The following SH3RF2 variants were observed in gnomAD, a reference collection of about 807,000 sequenced individuals.
SH3RF2 encodes the protein E3 ubiquitin-protein ligase SH3RF2.
Under a neutral mutation model 59.0 loss-of-function variants are expected in SH3RF2, and 43 were observed. The ratio of observed to expected loss-of-function variants is 0.73; its 90% CI spans 0.57 to 0.94. The LOEUF (loss-of-function observed/expected upper bound fraction) is 0.94, where lower values mean the gene tolerates loss of function less well. Among genes scored for constraint, SH3RF2 ranks in the 40% least tolerant of loss-of-function variants. The pLI is 0.00. For synonymous variants in SH3RF2, 391 were observed against 391.5 expected (o/e 1.00, Z 0.01); for missense variants, 930 against 940.1 (o/e 0.99, Z 0.14).
chr5:146,077,330 T>C (rs760095716), intron 9 of SH3RF2, among the ~76,000 whole-genome samples: 3 of 152,166 alleles, frequency 2.0e-5, no homozygotes, highest in African/African-American at 4.8e-5. Flanking sequence ...GGAATGCAGG[T>C]TGAGTTTGGT....
intron 1 of SH3RF2, among the ~76,000 whole-genome samples, chr5:145,937,582 C>T (rs1367404926): frequency 6.6e-6 from 1 of 152,154 alleles, no homozygotes; most frequent in African/African-American, 2.4e-5. Flanking sequence ...TATCTCCCTG[C>T]TTTCCTGTCC....
intron 4 of SH3RF2, among the ~76,000 whole-genome samples, chr5:146,007,245 A>C (rs1760682205): frequency 6.6e-6 from 1 of 152,184 alleles, no homozygotes; most frequent in South Asian, 2.1e-4. Context: ...AAAAGCAGAA[A>C]GTAGAGTTAG....
intron 5 of SH3RF2, among the ~76,000 whole-genome samples, chr5:146,036,651 C>T (rs747818210): frequency 2.0e-5 from 3 of 152,120 alleles, no homozygotes; most frequent in Non-Finnish European, 2.9e-5. Flanking sequence ...GCCGAGATCA[C>T]GTCACTGCAC....
chr5:146,075,700 A>G (rs1049207833), intron 9 of SH3RF2, among the ~76,000 whole-genome samples: 1 of 146,306 alleles, frequency 6.8e-6, no homozygotes, highest in Non-Finnish European at 1.5e-5. Flanking sequence ...AATCCCAGCT[A>G]CCCGGGAGGC....
intron 3 of SH3RF2, 115 bp from the exon 4 acceptor site, chr5:146,003,943 C>T: frequency 1.4e-6 from 1 of 708,238 alleles, no homozygotes. Flanking sequence ...ATAAATCAAG[C>T]ACAAGCTACA....
chr5:145,983,993 C>G (rs1759605269), intron 2 of SH3RF2, among the ~76,000 whole-genome samples: 1 of 152,088 alleles, frequency 6.6e-6, no homozygotes, highest in Admixed American at 6.6e-5. Flanking sequence ...TTAAGAGTAG[C>G]ATTGACTAAA....
chr5:145,979,197 C>A (rs1580804922), intron 2 of SH3RF2, among the ~76,000 whole-genome samples: 1 of 152,216 alleles, frequency 6.6e-6, no homozygotes, highest in South Asian at 2.1e-4. Flanking sequence ...CCTGGGGGAA[C>A]TGGCTAGAAA....
At chr5:145,986,534 G>C (rs994274773) in intron 2 of SH3RF2, among the ~76,000 whole-genome samples, 4 of 152,130 alleles carry the variant, frequency 2.6e-5, no homozygotes, top group Admixed American at 2.6e-4. Context: ...AGGCTCCCAC[G>C]TACCCCTTGC....
intron 9 of SH3RF2, among the ~76,000 whole-genome samples, chr5:146,069,692 C>T (rs1363597688): frequency 2.0e-5 from 3 of 152,084 alleles, no homozygotes; most frequent in Non-Finnish European, 4.4e-5. Flanking sequence ...TCCCACCTCA[C>T]CCCCACAAGT....
chr5:146,028,038 G>C (rs986463093), intron 5 of SH3RF2, among the ~76,000 whole-genome samples: 3 of 152,096 alleles, frequency 2.0e-5, no homozygotes, highest in Non-Finnish European at 4.4e-5. Flanking sequence ...TCACTGAGAC[G>C]ACCCAACCCT....
chr5:145,972,434 C>T (rs1465836398), intron 2 of SH3RF2, among the ~76,000 whole-genome samples: 3 of 152,140 alleles, frequency 2.0e-5, no homozygotes, highest in Admixed American at 2.0e-4. Context: ...ACTACCGTCA[C>T]CACCAGAACT....
At chr5:145,994,654 T>C (rs1760080586) in intron 2 of SH3RF2, among the ~76,000 whole-genome samples, 1 of 152,184 alleles carries the variant, frequency 6.6e-6, no homozygotes, top group African/African-American at 2.4e-5. Context: ...AGGAAAGATT[T>C]GCCCCCATGA....
downstream of SH3RF2, among the ~76,000 whole-genome samples, chr5:146,064,589 GAGAGAGAGAGAGA>G (rs1763003158): frequency 1.6e-5 from 1 of 61,104 alleles, no homozygotes; most frequent in Non-Finnish European, 2.9e-5. Flanking sequence ...GGAAGGGGGA[GAGAGAGAGAGAGA>G]GAGAGAGAGA....
chr5:146,028,022 G>A (rs1761594671), intron 5 of SH3RF2, among the ~76,000 whole-genome samples: 1 of 152,186 alleles, frequency 6.6e-6, no homozygotes, highest in East Asian at 1.9e-4. Flanking sequence ...AATCCTGGCA[G>A]GTGAGTCACT....
intron 2 of SH3RF2, among the ~76,000 whole-genome samples, chr5:145,980,308 T>A (rs929227456): frequency 2.6e-5 from 4 of 152,178 alleles, no homozygotes; most frequent in African/African-American, 9.7e-5. Context: ...GGCTTTATCT[T>A]TGTGTACACA....
At chr5:146,056,254 T>C in intron 8 of SH3RF2, 41 bp downstream of exon 8, 9 of 1,613,326 alleles carry the variant, frequency 5.6e-6, no homozygotes, top group Non-Finnish European at 7.6e-6. Flanking sequence ...AGCTAAGTGA[T>C]GGGGGGAATC....
chr5:145,956,649 T>A (rs1184834409), intron 2 of SH3RF2, among the ~76,000 whole-genome samples: 1 of 152,130 alleles, frequency 6.6e-6, no homozygotes, highest in African/African-American at 2.4e-5. Context: ...ATAGAAATTA[T>A]AGACGTATAC....
rs149839578 is a variant in SH3RF2, at chr5:146,024,906, T to G, written c.1059+10845T>G. ...CACATAATGCCTAACTGCCTCCCTT[T>G]TTGTATTAAAATTGATTCTATTCAA... On this transcript the variant is annotated intron_variant, in intron 5 of 9. Coordinates refer to ENST00000359120, the MANE Select transcript of SH3RF2 (RefSeq NM_152550.4). 7.0e-4 allele frequency among the ~76,000 whole-genome samples: 107 copies of G among 152,322 alleles called. 1 individual carries two copies. In the East Asian group the frequency reaches 0.019, roughly 27 times the overall value.
At chr5:146,023,885 T>C (rs952771733) in intron 5 of SH3RF2, among the ~76,000 whole-genome samples, 1 of 152,116 alleles carries the variant, frequency 6.6e-6, no homozygotes, top group African/African-American at 2.4e-5. Context: ...TTGTGGCTGG[T>C]TTCTTTCGCT....
Sources: allele counts gnomAD v4.1 joint callset (sites outside exome capture counted in the v4.1 genomes callset), GRCh38; gene constraint gnomAD v4.1.1; transcripts MANE v1.5; gene names NCBI Gene and HGNC (gene_info 2026-07-23, HGNC 2026-07-21).